Variants in LPIN2 observed in about 807,000 individuals in gnomAD.
LPIN2 encodes the protein lipin 2.
Under a neutral mutation model 111.4 loss-of-function variants are expected in LPIN2, and 55 were observed. That is an observed-to-expected ratio of 0.49 (90% CI 0.40 to 0.62). The LOEUF is 0.62. Among genes scored for constraint, LPIN2 ranks in the 20% least tolerant of loss-of-function variants. The pLI is 0.00. For missense variants in LPIN2, 992 were observed against 1,112.1 expected, an observed-to-expected ratio of 0.89 and a Z score of 1.54; for synonymous variants, 425 against 414.0, an observed-to-expected ratio of 1.03 and a Z score of -0.32.
chr18:2,922,256 A>C, intron 16 of LPIN2, 57 bp from the exon 17 acceptor site: 1 of 1,570,162 alleles, frequency 6.4e-7, no homozygotes, highest in Non-Finnish European at 8.7e-7. Context: ...AAAGAAAACA[A>C]AAAACAAAAA....
At position 2,948,831 on chromosome 18, in the gene LPIN2, A is replaced by G. The variant is rs1241644729; in HGVS notation, c.590+2224T>C. Reference sequence around the variant, plus strand: ...TGTTTATAATTTTTTTTTTTTTTTTAAAGACAGAGTCTTGCTCTGTCACCT... The same window carrying G: ...TGTTTATAATTTTTTTTTTTTTTTTGAAGACAGAGTCTTGCTCTGTCACCT... On this transcript the variant is annotated intron_variant, in intron 4 of 19. Transcript: ENST00000677752. 4.1e-5 allele frequency among the ~76,000 whole-genome samples: 6 copies of G among 147,786 alleles called. No homozygotes were observed. The East Asian group carries it at 1.2e-3, about 29-fold the overall frequency.
At chr18:2,937,641 A>G (rs953789400) in intron 7 of LPIN2, 51 bp downstream of exon 7, 9 of 1,477,960 alleles carry the variant, frequency 6.1e-6, no homozygotes, top group Non-Finnish European at 8.5e-6. Context: ...CACTGAAATA[A>G]TTTACCATCT....
At chr18:2,960,986 C>A in intron 1 of LPIN2, 137 bp from the exon 2 acceptor site, 1 of 754,916 alleles carries the variant, frequency 1.3e-6, no homozygotes, top group Non-Finnish European at 2.3e-6. Context: ...AATTTTCAAC[C>A]TAACAGTCTC....
At chr18:2,953,166 A>AG (rs2077562542) in intron 3 of LPIN2, among the ~76,000 whole-genome samples, 1 of 152,182 alleles carries the variant, frequency 6.6e-6, no homozygotes, top group Admixed American at 6.5e-5. Flanking sequence ...TGGAATAGGG[A>AG]GAAAAAGGCT....
At chr18:2,943,606 T>C (rs1486743342) in intron 4 of LPIN2, among the ~76,000 whole-genome samples, 1 of 152,190 alleles carries the variant, frequency 6.6e-6, no homozygotes. Context: ...GGCATATTAA[T>C]CATTACCTTT....
Position 2,931,251 on chromosome 18 carries a change from C to T in LPIN2, c.1456+5G>A, listed in dbSNP as rs767379049. On this transcript the variant is annotated splice_donor_5th_base_variant and intron_variant, in intron 9 of 19. Coordinates refer to ENST00000677752, the MANE Select transcript of LPIN2 (RefSeq NM_001375808.2). ...ATGAAGATGGGGCACAAACACCCAA[C>T]GTACCTTTTGAAATTTCTCCATTTT... The T allele has an allele frequency of 1.9e-5, 30 of 1,614,032 alleles. No homozygotes were observed. The highest frequency in any genetic ancestry group is 1.6e-4 in the Middle Eastern group (1 of 6,062).
At chr18:3,010,377 T>A (rs138429961) in intron 1 of LPIN2, among the ~76,000 whole-genome samples, 1 of 152,190 alleles carries the variant, frequency 6.6e-6, no homozygotes, top group Non-Finnish European at 1.5e-5. Flanking sequence ...ACATTATACA[T>A]AGGATTCTGC....
intron 17 of LPIN2, 150 bp downstream of exon 17, chr18:2,921,897 A>T: frequency 8.8e-7 from 1 of 1,137,836 alleles, no homozygotes; most frequent in Non-Finnish European, 1.2e-6. Flanking sequence ...AGTGAGCAGT[A>T]TGTGGTAGGA....
At chr18:2,950,967 C>T (rs1841803882) in intron 4 of LPIN2, 88 bp downstream of exon 4, 5 of 1,388,880 alleles carry the variant, frequency 3.6e-6, no homozygotes, top group Non-Finnish European at 5.1e-6. Flanking sequence ...AAACCTCACA[C>T]TGTGTATCCA....
In LPIN2 at chr18:3,012,396, G is replaced by A. The variant is rs1274878558; in HGVS notation, c.-10+691C>T. Reference sequence around the variant, plus strand: ...GTCTTAAAATGTTCAGGCGAGTGGAGAAAATGGTGATCCGCTGGCGTTAGA... The same window carrying A: ...GTCTTAAAATGTTCAGGCGAGTGGAAAAAATGGTGATCCGCTGGCGTTAGA... On this transcript the variant is annotated intron_variant, in intron 1 of 19. Coordinates refer to ENST00000677752, the MANE Select transcript of LPIN2 (RefSeq NM_001375808.2). Among the ~76,000 whole-genome samples the A allele has an allele frequency of 3.3e-5, 5 of 152,342 alleles. No homozygotes were observed. The East Asian group carries it at 7.7e-4, about 23-fold the overall frequency.
intron 1 of LPIN2, among the ~76,000 whole-genome samples, chr18:2,991,870 C>T (rs760844926): frequency 1.5e-4 from 23 of 152,034 alleles, no homozygotes; most frequent in Middle Eastern, 3.4e-3. Context: ...ATTAGCTGGG[C>T]GTGGTGGCGT....
intron 1 of LPIN2, among the ~76,000 whole-genome samples, chr18:2,984,635 G>A (rs2143391552): frequency 6.6e-6 from 1 of 152,128 alleles, no homozygotes; most frequent in Middle Eastern, 3.4e-3. Flanking sequence ...GAAGAGATGA[G>A]AAAATATTCA....
intron 1 of LPIN2, chr18:2,990,745 T>C (rs531505880): frequency 1.2e-5 from 4 of 341,174 alleles, no homozygotes; most frequent in Non-Finnish European, 1.8e-5. Flanking sequence ...CAAAGATTAC[T>C]ATTAGAAATG....
At position 2,966,703 on chromosome 18, in the gene LPIN2, A is replaced by AT. The variant is rs1568585369; in HGVS notation, c.-9-5855dup. Among the ~76,000 whole-genome samples the AT allele has an allele frequency of 3.3e-5, 5 of 152,268 alleles. No homozygotes were observed. In the South Asian group the frequency reaches 1.0e-3, roughly 32 times the overall value. On this transcript the variant is annotated intron_variant, in intron 1 of 19. Transcript: ENST00000677752. ...GACTTGACTACTTAAAGATGAAATG[A>AT]TTACAGGGAATCCAAAGAAGCCATA...
intron 14 of LPIN2, among the ~76,000 whole-genome samples, chr18:2,924,861 A>G (rs1404243988): frequency 1.3e-5 from 2 of 152,190 alleles, no homozygotes; most frequent in East Asian, 3.9e-4. Flanking sequence ...TCATACCGAA[A>G]ATGGGTCAAA....
chr18:2,922,114 T>C lies in LPIN2; in HGVS notation c.2260A>G (p.Lys754Glu). Reference sequence around the variant, plus strand: ...GGGCCCCGGGGCAAGATTGTGCCCTTGTCATTGACCCAGTGCAGGTAGCCA... The same window carrying C: ...GGGCCCCGGGGCAAGATTGTGCCCTCGTCATTGACCCAGTGCAGGTAGCCA... The part of the protein sequence containing the change: ...TRGYLHWVND[K>E]GTILPRGPLM... The change falls in exon 17 of 20, where the codon AAG (lysine) becomes GAG (glutamate). Residue 754 changes from lysine (K) to glutamate (E), a missense_variant. By Grantham distance (56) the Lys-to-Glu change is moderately conservative (BLOSUM62 1). Transcript: ENST00000677752. The C allele has an allele frequency of 6.2e-7, 1 of 1,614,040 alleles. No individual in the cohort carries two copies. Among genetic ancestry groups the C allele is most frequent in the South Asian group, 1.1e-5 (1 of 91,086 alleles).
chr18:3,007,291 C>G (rs1194023864), intron 1 of LPIN2, among the ~76,000 whole-genome samples: 1 of 152,166 alleles, frequency 6.6e-6, no homozygotes, highest in African/African-American at 2.4e-5. Context: ...CCTGCCTCAG[C>G]CTCCAGAGTA....
At chr18:2,922,405 G>A (rs2077068949) in intron 16 of LPIN2, among the ~76,000 whole-genome samples, 1 of 151,846 alleles carries the variant, frequency 6.6e-6, no homozygotes, top group Non-Finnish European at 1.5e-5. Context: ...CTCCCAAGTA[G>A]CTAGGATTAC....
intron 2 of LPIN2, among the ~76,000 whole-genome samples, chr18:2,958,167 A>AAAAAAAAAAAAAC (rs1312522605): frequency 6.8e-6 from 1 of 146,132 alleles, no homozygotes; most frequent in Non-Finnish European, 1.5e-5. Context: ...ACAACAAAAA[A>AAAAAAAAAAAAAC]AAAAAACAGA....
Sources: gnomAD v4.1 joint callset for allele counts (sites outside exome capture counted in the v4.1 genomes callset) on GRCh38, gnomAD v4.1.1 for gene constraint, MANE v1.5 for transcripts, NCBI Gene and HGNC (gene_info 2026-07-23, HGNC 2026-07-21) for gene names.